The following SMAD9 variants were observed in gnomAD, a reference collection of about 807,000 sequenced individuals.
The protein encoded by SMAD9 is MAD homolog 9.
A neutral mutation model predicts 46.1 loss-of-function variants in SMAD9; 36 were observed. The observed-to-expected ratio is 0.78, with a 90% CI of 0.60 to 1.03. SMAD9 has a LOEUF of 1.03. Ranked by LOEUF, SMAD9 falls within the 50% of genes least tolerant of loss-of-function variation. The pLI, the probability that SMAD9 is intolerant of heterozygous loss-of-function variation, is 0.00. For synonymous variants in SMAD9, 245 were observed against 237.1 expected (o/e 1.03, Z -0.31); for missense variants, 572 against 599.8 (o/e 0.95, Z 0.48).
At chr13:36,875,944 A>C (rs1489387121) in intron 2 of SMAD9, among the ~76,000 whole-genome samples, 2 of 152,234 alleles carry the variant, frequency 1.3e-5, no homozygotes, top group African/African-American at 4.8e-5. Flanking sequence ...GGATGTTTGC[A>C]AAGAAAACTG....
chr13:36,894,594 G>T (rs1000645097), intron 1 of SMAD9, among the ~76,000 whole-genome samples: 1 of 152,164 alleles, frequency 6.6e-6, no homozygotes, highest in African/African-American at 2.4e-5. Flanking sequence ...TTATAGACTA[G>T]AAACTCTTTC....
intron 5 of SMAD9, among the ~76,000 whole-genome samples, chr13:36,853,897 G>A (rs1381093774): frequency 1.3e-5 from 2 of 152,188 alleles, no homozygotes; most frequent in East Asian, 1.9e-4. Context: ...GGTGGCTCAC[G>A]CCTGTAATCC....
intron 1 of SMAD9, among the ~76,000 whole-genome samples, chr13:36,895,454 C>T (rs1466017614): frequency 6.6e-6 from 1 of 152,138 alleles, no homozygotes; most frequent in Non-Finnish European, 1.5e-5. Context: ...CATCCTTGGC[C>T]TCCACCTATA....
intron 1 of SMAD9, among the ~76,000 whole-genome samples, chr13:36,890,174 T>C (rs1168103671): frequency 6.6e-6 from 1 of 152,196 alleles, no homozygotes; most frequent in African/African-American, 2.4e-5. Flanking sequence ...GCATATTCAA[T>C]TTTTTGGTCA....
At position 36,851,958 on chromosome 13, in the gene SMAD9, A is replaced by G. The variant is rs1200766823; in HGVS notation, c.1260+1461T>C. 5.1e-6 allele frequency: 5 copies of G among 980,502 alleles called. No individual in the cohort carries two copies. The Admixed American group carries it at 1.9e-4, about 36-fold the overall frequency. 60.7% of individuals were successfully genotyped at this position (980,502 alleles called of 1,614,324 possible). ...TTGGCATTTCATCCTAATTTTAAAA[A>G]CACAGACCCGGAAAAAAAAAAAACT... On this transcript the variant is annotated intron_variant, in intron 6 of 6. Coordinates refer to ENST00000379826, the MANE Select transcript of SMAD9 (RefSeq NM_001127217.3).
At chr13:36,881,420 C>A (rs1173262723) in intron 1 of SMAD9, among the ~76,000 whole-genome samples, 1 of 152,184 alleles carries the variant, frequency 6.6e-6, no homozygotes, top group Admixed American at 6.5e-5. Context: ...GCAAGCTGTA[C>A]CTTTCTGAGT....
At chr13:36,862,165 C>T (rs933556869) in intron 5 of SMAD9, among the ~76,000 whole-genome samples, 1 of 152,154 alleles carries the variant, frequency 6.6e-6, no homozygotes, top group African/African-American at 2.4e-5. Flanking sequence ...CTCTGTGTCA[C>T]AGCCATTTGA....
At chr13:36,864,081 C>T (rs926446955) in intron 5 of SMAD9, among the ~76,000 whole-genome samples, 9 of 152,196 alleles carry the variant, frequency 5.9e-5, no homozygotes, top group African/African-American at 9.6e-5. Flanking sequence ...TGCTTCACAA[C>T]ATTATGTGTT....
intron 1 of SMAD9, among the ~76,000 whole-genome samples, chr13:36,916,945 T>C (rs1208818543): frequency 1.3e-5 from 2 of 151,762 alleles, no homozygotes; most frequent in African/African-American, 2.4e-5. Flanking sequence ...GCATGGAAAC[T>C]AGCATTTGCT....
Position 36,890,073 on chromosome 13 carries a change from G to A in SMAD9, c.-186-10198C>T, listed in dbSNP as rs530744362. 3.9e-4 allele frequency among the ~76,000 whole-genome samples: 59 copies of A among 152,194 alleles called. 1 individual carries two copies. The South Asian group carries it at 8.5e-3, about 22-fold the overall frequency. On this transcript the variant is annotated intron_variant, in intron 1 of 6. Coordinates refer to ENST00000379826, the MANE Select transcript of SMAD9 (RefSeq NM_001127217.3). ...AGGAATAAATATCCTTTTATTCAATGAACATTTACACCAAGCTCTTGCTGT... is the reference window on the plus strand; with the variant it reads ...AGGAATAAATATCCTTTTATTCAATAAACATTTACACCAAGCTCTTGCTGT...
intron 5 of SMAD9, among the ~76,000 whole-genome samples, chr13:36,864,691 C>T (rs1225336886): frequency 6.6e-6 from 1 of 152,048 alleles, no homozygotes; most frequent in Admixed American, 6.6e-5. Context: ...TAGGTTTACT[C>T]CAACAGGAGA....
chr13:36,918,377 T>C (rs1037493169), intron 1 of SMAD9, among the ~76,000 whole-genome samples: 1 of 152,162 alleles, frequency 6.6e-6, no homozygotes, highest in African/African-American at 2.4e-5. Flanking sequence ...AGCTCAAGCA[T>C]AAAACAGCTC....
chr13:36,907,134 CAGA>C (rs2058625899), intron 1 of SMAD9, among the ~76,000 whole-genome samples: 1 of 152,056 alleles, frequency 6.6e-6, no homozygotes, highest in Non-Finnish European at 1.5e-5. Flanking sequence ...AAGCCAGACA[CAGA>C]AGGACAAATG....
chr13:36,864,600 T>C (rs139920781), intron 5 of SMAD9, among the ~76,000 whole-genome samples: 2,835 of 152,310 alleles, frequency 0.019, 56 homozygotes, highest in Non-Finnish European at 0.028. Flanking sequence ...GGAGACAGAA[T>C]ATAAATAAAC....
At chr13:36,902,678 A>T (rs2058586590) in intron 1 of SMAD9, among the ~76,000 whole-genome samples, 1 of 152,026 alleles carries the variant, frequency 6.6e-6, no homozygotes, top group Non-Finnish European at 1.5e-5. Flanking sequence ...GGCTGGTCTC[A>T]AACTCCTGAC....
rs558010902 is a variant in SMAD9 at position 36,902,411 on chromosome 13, T to C, written c.-187+17705A>G. Among the ~76,000 whole-genome samples, 43 of 152,316 alleles carry C rather than the reference T, an allele frequency of 2.8e-4. No individual in the cohort carries two copies. The South Asian group carries it at 8.5e-3, about 30-fold the overall frequency. On this transcript the variant is annotated intron_variant, in intron 1 of 6. Coordinates refer to ENST00000379826, the MANE Select transcript of SMAD9 (RefSeq NM_001127217.3). ...CACTATTTTGATTACTGTATATTTG[T>C]AGTTAAGTTTTAAAATTAGGAAATG... is the stretch of plus-strand genomic sequence containing the variant.
rs183840944 is a variant in SMAD9, at chr13:36,905,520, C to A, written c.-187+14596G>T. On this transcript the variant is annotated intron_variant, in intron 1 of 6. Transcript: ENST00000379826. The stretch of plus-strand genomic sequence containing the variant: ...CCTGTAATCCCAGCACTTTGGGATG[C>A]CAAGGCGGGCAGATGGCTTGAGCCC... Among the ~76,000 whole-genome samples the A allele has an allele frequency of 5.3e-5, 8 of 152,162 alleles. No homozygotes were observed. In the East Asian group the frequency reaches 1.4e-3, roughly 26 times the overall value.
intron 1 of SMAD9, among the ~76,000 whole-genome samples, chr13:36,913,824 A>G (rs187915593): frequency 3.2e-4 from 48 of 152,000 alleles, no homozygotes; most frequent in Non-Finnish European, 5.6e-4. Flanking sequence ...AGAAAACCAC[A>G]TGAGACCTAA....
intron 2 of SMAD9, among the ~76,000 whole-genome samples, chr13:36,874,653 C>T (rs1593582063): frequency 1.3e-5 from 2 of 151,804 alleles, no homozygotes; most frequent in Admixed American, 6.6e-5. Flanking sequence ...GTCAGGAGAT[C>T]GAGACCATCC....
Sources: allele counts gnomAD v4.1 joint callset (sites outside exome capture counted in the v4.1 genomes callset), GRCh38; gene constraint gnomAD v4.1.1; transcripts MANE v1.5; gene names NCBI Gene and HGNC (gene_info 2026-07-23, HGNC 2026-07-21).